Variants in CDO1 observed in about 807,000 individuals in gnomAD.
The protein encoded by CDO1 is cysteine dioxygenase type 1.
A neutral mutation model predicts 24.5 loss-of-function variants in CDO1; 19 were observed. The observed-to-expected ratio is 0.77, with a 90% CI of 0.54 to 1.14. The LOEUF (loss-of-function observed/expected upper bound fraction) is 1.14, where lower values mean the gene tolerates loss of function less well. Ranked by LOEUF, CDO1 falls within the 50% of genes most tolerant of loss-of-function variation. The probability of loss-of-function intolerance (pLI) is 0.00; values close to 1 mark genes in which losing one functional copy is unlikely to be tolerated. For missense variants in CDO1, 244 were observed against 244.8 expected (o/e 1.00, Z 0.02); for synonymous variants, 91 against 87.0 (o/e 1.05, Z -0.26).
At position 115,811,317 on chromosome 5, in the gene CDO1, T is replaced by C; in HGVS notation, c.249-2A>G. The stretch of plus-strand genomic sequence containing the variant: ...GAGTTGGTATGATCATGAATACTGC[T>C]ATATGTACACAAAATGACAACTGAA... On this transcript the variant is annotated splice_acceptor_variant, in intron 2 of 4. Coordinates refer to ENST00000250535, the MANE Select transcript of CDO1 (RefSeq NM_001801.3). LOFTEE classifies it high-confidence loss of function. 1.2e-6 allele frequency: 2 copies of C among 1,610,030 alleles called. No individual in the cohort carries two copies. Among genetic ancestry groups the C allele is most frequent in the Admixed American group, 1.7e-5 (1 of 59,990 alleles).
chr5:115,806,567 G>C, intron 3 of CDO1, 49 bp from the exon 4 acceptor site: 1 of 1,419,564 alleles, frequency 7.0e-7, no homozygotes. Flanking sequence ...CTAGATAACA[G>C]CTGTAGGTAA....
In CDO1 at chr5:115,816,430, T is replaced by C. The variant is rs769094879; in HGVS notation, c.-33A>G. On this transcript the variant is annotated 5_prime_UTR_variant, in exon 1 of 5. Coordinates refer to ENST00000250535, the MANE Select transcript of CDO1 (RefSeq NM_001801.3). ...GGAGCTGGCTGCGCGCGCGTCTCAC[T>C]GCTGGGCTGCGGTGGAGGAGCTGAG... is the stretch of plus-strand genomic sequence containing the variant. 7.5e-6 allele frequency: 12 copies of C among 1,606,636 alleles called. No homozygotes were observed. The highest frequency in any genetic ancestry group is 5.0e-5 in the Admixed American group (3 of 59,920).
Position 115,805,305 on chromosome 5 carries a change from G to A in CDO1, c.*128C>T. On this transcript the variant is annotated 3_prime_UTR_variant, in exon 5 of 5. Transcript: ENST00000250535. ...ACTTAATGCCTTATAATTAGCATCTGCCTTACAGTAGATCTAAGTATTGGC... is the reference window on the plus strand; with the variant it reads ...ACTTAATGCCTTATAATTAGCATCTACCTTACAGTAGATCTAAGTATTGGC... 1 of 755,872 alleles carries A rather than the reference G, an allele frequency of 1.3e-6. No homozygotes were observed. The highest frequency in any genetic ancestry group is 2.2e-6 in the Non-Finnish European group (1 of 450,986). 46.8% of individuals were successfully genotyped at this position (755,872 alleles called of 1,614,324 possible). A position where few individuals can be genotyped will look rare whatever the true frequency, so the allele number is the denominator to read the frequency against.
At chr5:115,812,200 T>C (rs556856548) in intron 2 of CDO1, among the ~76,000 whole-genome samples, 3 of 152,318 alleles carry the variant, frequency 2.0e-5, no homozygotes, top group South Asian at 4.1e-4. Flanking sequence ...CTTCATTCCA[T>C]ATGAGTAAAT....
intron 3 of CDO1, among the ~76,000 whole-genome samples, chr5:115,807,048 G>C (rs34850): frequency 0.46 from 69,328 of 151,990 alleles, 16,630 homozygotes; most frequent in African/African-American, 0.6. Context: ...CAGCAGCAGA[G>C]TAAGGTCTAG....
intron 1 of CDO1, among the ~76,000 whole-genome samples, chr5:115,815,026 GA>G (rs938961532): frequency 5.3e-5 from 8 of 152,140 alleles, no homozygotes; most frequent in Non-Finnish European, 1.2e-4. Flanking sequence ...ACTTGTATAT[GA>G]AAAATGGGAT....
At chr5:115,813,090 C>G in intron 2 of CDO1, 91 bp downstream of exon 2, 1 of 420,842 alleles carries the variant, frequency 2.4e-6, no homozygotes. Context: ...TTTGTTACTA[C>G]TTGTAAGACC....
intron 3 of CDO1, 120 bp downstream of exon 3, chr5:115,811,041 G>T: frequency 1.0e-6 from 1 of 958,050 alleles, no homozygotes; most frequent in Non-Finnish European, 1.6e-6. Flanking sequence ...CATTTCCCAA[G>T]TATTTTAAAT....
At chr5:115,812,527 T>C (rs1760233645) in intron 2 of CDO1, among the ~76,000 whole-genome samples, 1 of 152,208 alleles carries the variant, frequency 6.6e-6, no homozygotes, top group African/African-American at 2.4e-5. Context: ...GGTCCCACGA[T>C]TGTTTACACA....
At chr5:115,815,730 C>G (rs1374458260) in intron 1 of CDO1, among the ~76,000 whole-genome samples, 4 of 152,220 alleles carry the variant, frequency 2.6e-5, no homozygotes, top group Admixed American at 6.5e-5. Context: ...ACACTTCTCC[C>G]GATGGCTGAT....
intron 1 of CDO1, 32 bp downstream of exon 1, chr5:115,816,196 G>A (rs1045685814): frequency 7.5e-6 from 12 of 1,597,362 alleles, no homozygotes; most frequent in Admixed American, 5.1e-5. Context: ...GCGAGTGGGC[G>A]CCGCCTGGCA....
chr5:115,815,365 C>G (rs11951965), intron 1 of CDO1, among the ~76,000 whole-genome samples: 17,078 of 152,088 alleles, frequency 0.11, 3,043 homozygotes, highest in African/African-American at 0.38. Flanking sequence ...TGCAAAAAAG[C>G]CAGCTTACCA....
At position 115,804,904 on chromosome 5, in the gene CDO1, CG is replaced by C. The variant is rs1759869755; in HGVS notation, c.*528del. On this transcript the variant is annotated 3_prime_UTR_variant, in exon 5 of 5. Transcript: ENST00000250535. ...CTTTCATTAACAAATGGCAGAGTGC[CG>C]TAAGTTCCTCTATTATTCATAGAAA... The C allele has an allele frequency of 6.6e-6, 1 of 152,184 alleles. No homozygotes were observed. The highest frequency in any genetic ancestry group is 2.4e-5 in the African/African-American group (1 of 41,522). 9.4% of individuals were successfully genotyped at this position (152,184 alleles called of 1,614,324 possible).
At chr5:115,814,672 C>T (rs1277367882) in intron 1 of CDO1, among the ~76,000 whole-genome samples, 6 of 152,170 alleles carry the variant, frequency 3.9e-5, no homozygotes, top group Non-Finnish European at 8.8e-5. Context: ...AGTTCAAGGT[C>T]CTTGAAAATA....
At chr5:115,815,742 T>C (rs1176593593) in intron 1 of CDO1, among the ~76,000 whole-genome samples, 1 of 152,204 alleles carries the variant, frequency 6.6e-6, no homozygotes, top group Non-Finnish European at 1.5e-5. Context: ...ATGGCTGATG[T>C]AGTGCTCCCC....
chr5:115,811,508 CATCTAT>C (rs1344902049), intron 2 of CDO1, among the ~76,000 whole-genome samples, 193 bp from the exon 3 acceptor site: 1 of 152,130 alleles, frequency 6.6e-6, no homozygotes, highest in Non-Finnish European at 1.5e-5. Flanking sequence ...AATAATATAT[CATCTAT>C]ATCAATTCAT....
At chr5:115,806,912 T>C (rs1179894194) in intron 3 of CDO1, among the ~76,000 whole-genome samples, 1 of 152,212 alleles carries the variant, frequency 6.6e-6, no homozygotes, top group Non-Finnish European at 1.5e-5. Context: ...AGCACAGGAA[T>C]TGACAGCACC....
intron 1 of CDO1, chr5:115,813,924 A>C (rs1420664918): frequency 2.0e-5 from 3 of 153,060 alleles, no homozygotes; most frequent in Admixed American, 1.3e-4. Context: ...CACTGCCACC[A>C]CCAACAACAA....
At chr5:115,806,932 T>C (rs1759972607) in intron 3 of CDO1, among the ~76,000 whole-genome samples, 1 of 152,212 alleles carries the variant, frequency 6.6e-6, no homozygotes, top group Non-Finnish European at 1.5e-5. Context: ...CAGGTACTTC[T>C]GGAAATGAGG....
Sources: gnomAD v4.1 joint callset for allele counts (sites outside exome capture counted in the v4.1 genomes callset) on GRCh38, gnomAD v4.1.1 for gene constraint, MANE v1.5 for transcripts, NCBI Gene and HGNC (gene_info 2026-07-23, HGNC 2026-07-21) for gene names.